Variants in PIK3CA observed in about 807,000 individuals in gnomAD.
PIK3CA encodes the protein phosphatidylinositol-4,5-bisphosphate 3-kinase catalytic subunit alpha.
A neutral mutation model predicts 138.2 loss-of-function variants in PIK3CA; 27 were observed. The observed-to-expected ratio is 0.20, with a 90% CI of 0.14 to 0.27. The LOEUF (loss-of-function observed/expected upper bound fraction) is 0.27, where lower values mean the gene tolerates loss of function less well. Among genes scored for constraint, PIK3CA ranks in the 10% least tolerant of loss-of-function variants. The pLI, the probability that PIK3CA is intolerant of heterozygous loss-of-function variation, is 1.00. For missense variants in PIK3CA, 544 were observed against 1,277.4 expected (o/e 0.43, Z 8.75); for synonymous variants, 358 against 413.2 (o/e 0.87, Z 1.62).
chr3:179,201,227 G>C (rs2108389120), intron 3 of PIK3CA, 63 bp from the exon 4 acceptor site: 2 of 1,405,746 alleles, frequency 1.4e-6, no homozygotes, highest in Non-Finnish European at 2.0e-6. Context: ...AATACTTGTT[G>C]AAATTTCTCC....
At chr3:179,154,123 G>C (rs1723075476) in intron 1 of PIK3CA, among the ~76,000 whole-genome samples, 1 of 152,096 alleles carries the variant, frequency 6.6e-6, no homozygotes, top group African/African-American at 2.4e-5. Context: ...AAAAGTGGTG[G>C]CTTAGAGCTA....
At chr3:179,206,840 C>T (rs562991124) in intron 6 of PIK3CA, among the ~76,000 whole-genome samples, 1 of 151,416 alleles carries the variant, frequency 6.6e-6, no homozygotes, top group South Asian at 2.1e-4. Context: ...ATCACCTGAG[C>T]CCAGGGAGGT....
chr3:179,236,868 A>T lies in PIK3CA; in HGVS notation c.*2504A>T, dbSNP rs1725342862. 4.8e-6 allele frequency: 1 copy of T among 209,060 alleles called. No individual in the cohort carries two copies. Among genetic ancestry groups the T allele is most frequent in the African/African-American group, 2.3e-5 (1 of 44,036 alleles). The allele number at this position is 209,060 out of a possible 1,614,324, so 13.0% of individuals were successfully genotyped here. On this transcript the variant is annotated 3_prime_UTR_variant, in exon 21 of 21. Coordinates refer to ENST00000263967, the MANE Select transcript of PIK3CA (RefSeq NM_006218.4). ...GACTAAGATCTGTTTCAAGTCAGTG[A>T]TAATATAGCCACTTCTGGGTACTTC...
intron 6 of PIK3CA, among the ~76,000 whole-genome samples, chr3:179,208,724 T>G (rs1724631739): frequency 6.6e-6 from 1 of 152,114 alleles, no homozygotes; most frequent in African/African-American, 2.4e-5. Flanking sequence ...AAATAATTTT[T>G]TATCTTGTTC....
chr3:179,200,818 A>G (rs919105979), intron 3 of PIK3CA, among the ~76,000 whole-genome samples: 1 of 152,050 alleles, frequency 6.6e-6, no homozygotes. Context: ...TAGACAATGC[A>G]TTTCCTCTCC....
chr3:179,203,498 A>T (rs770129679), intron 4 of PIK3CA, 46 bp from the exon 5 acceptor site: 3 of 1,552,950 alleles, frequency 1.9e-6, no homozygotes, highest in Non-Finnish European at 2.6e-6. Context: ...TACTTTTAAA[A>T]TGAAAAACCT....
chr3:179,193,652 T>G (rs910469275), intron 1 of PIK3CA, among the ~76,000 whole-genome samples: 1 of 152,236 alleles, frequency 6.6e-6, no homozygotes, highest in Non-Finnish European at 1.5e-5. Flanking sequence ...GCACACACAC[T>G]CTTCTAAGCA....
At position 179,201,301 on chromosome 3, in the gene PIK3CA, G is replaced by T; in HGVS notation, c.574G>T (p.Val192Leu). ...YNKLDKGQII[V>L]VIWVIVSPNN... Reference sequence around the variant, plus strand: ...TTTTCCTGTTATAGGGCAAATAATAGTGGTGATCTGGGTAATAGTTTCTCC... The same window carrying T: ...TTTTCCTGTTATAGGGCAAATAATATTGGTGATCTGGGTAATAGTTTCTCC... The change falls in exon 4 of 21, where the codon GTG becomes TTG. Residue 192 changes from valine (V) to leucine (L), a missense_variant. Around this residue, in one of 14 missense-constraint regions of PIK3CA, gnomAD observed 234 missense variants for 401.3 expected, o/e 0.58. Transcript: ENST00000263967. 1 of 1,612,592 alleles carries T rather than the reference G, an allele frequency of 6.2e-7. No homozygotes were observed. The highest frequency in any genetic ancestry group is 8.5e-7 in the Non-Finnish European group (1 of 1,178,950).
chr3:179,163,785 A>AT (rs879356909), intron 1 of PIK3CA, among the ~76,000 whole-genome samples: 374 of 145,962 alleles, frequency 2.6e-3, no homozygotes, highest in Admixed American at 4.5e-3. Flanking sequence ...ATATGTAGTG[A>AT]TTTTTTTTTT....
intron 9 of PIK3CA, among the ~76,000 whole-genome samples, chr3:179,213,992 C>T (rs1350037964): frequency 6.6e-6 from 1 of 152,212 alleles, no homozygotes; most frequent in Admixed American, 6.5e-5. Context: ...GCATCTTCGT[C>T]TCTCTCAATA....
intron 14 of PIK3CA, 56 bp downstream of exon 14, chr3:179,221,213 T>C: frequency 7.8e-7 from 1 of 1,276,384 alleles, no homozygotes; most frequent in Non-Finnish European, 1.1e-6. Context: ...GGCAGAGTTG[T>C]TTAGAAGCCC....
At chr3:179,207,530 T>C (rs1318214322) in intron 6 of PIK3CA, among the ~76,000 whole-genome samples, 1 of 144,140 alleles carries the variant, frequency 6.9e-6, no homozygotes, top group Non-Finnish European at 1.6e-5. Context: ...TAAAGTAATA[T>C]ATCTTTAATT....
At chr3:179,169,676 C>T (rs1303033248) in intron 1 of PIK3CA, among the ~76,000 whole-genome samples, 2 of 152,106 alleles carry the variant, frequency 1.3e-5, no homozygotes, top group African/African-American at 4.8e-5. Context: ...TCTGCATGGG[C>T]CAATACTATT....
At chr3:179,199,420 C>A (rs1481730331) in intron 2 of PIK3CA, among the ~76,000 whole-genome samples, 1 of 151,896 alleles carries the variant, frequency 6.6e-6, no homozygotes, top group African/African-American at 2.4e-5. Flanking sequence ...TGTTATATCT[C>A]AGTGTTGTTA....
chr3:179,149,888 C>G (rs1576908729), intron 1 of PIK3CA, among the ~76,000 whole-genome samples: 1 of 152,142 alleles, frequency 6.6e-6, no homozygotes, highest in Non-Finnish European at 1.5e-5. Flanking sequence ...TTTAAGAAAA[C>G]TTCTGGAAAA....
chr3:179,222,096 TAAAAG>T (rs1274717912), intron 14 of PIK3CA, among the ~76,000 whole-genome samples: 1 of 150,956 alleles, frequency 6.6e-6, no homozygotes, highest in African/African-American at 2.4e-5. Flanking sequence ...CTCTTACAAT[TAAAAG>T]GAAGCTCATT....
chr3:179,159,374 A>G (rs1723218804), intron 1 of PIK3CA, among the ~76,000 whole-genome samples: 1 of 152,206 alleles, frequency 6.6e-6, no homozygotes, highest in African/African-American at 2.4e-5. Context: ...CATCACGAAG[A>G]GTTACAGCTG....
intron 1 of PIK3CA, among the ~76,000 whole-genome samples, chr3:179,166,682 C>G (rs984148343): frequency 6.6e-6 from 1 of 152,160 alleles, no homozygotes; most frequent in African/African-American, 2.4e-5. Context: ...ACATTTTATT[C>G]TGCAACAATT....
rs1463746476 is a variant in PIK3CA at position 179,220,315 on chromosome 3, TCTAGGTCCAGATGAATATTG to T, written c.2015+266_2015+285del. Among the ~76,000 whole-genome samples the T allele has an allele frequency of 4.6e-5, 7 of 152,148 alleles. No individual in the cohort carries two copies. The highest frequency in any genetic ancestry group is 1.7e-4 in the African/African-American group (7 of 41,448). Reference sequence around the variant, plus strand: ...TTTTTGTTCTACTTAAGTCAAATTTTCTAGGTCCAGATGAATATTGCTGTAGGTTTCACTGTGTGTATGGA... The same window carrying T: ...TTTTTGTTCTACTTAAGTCAAATTTTCTGTAGGTTTCACTGTGTGTATGGA... On this transcript the variant is annotated intron_variant, in intron 13 of 20. Transcript: ENST00000263967. The surrounding 1 kb of genome is among the most constrained non-coding windows in gnomAD (Gnocchi z 4.1).
Sources: allele counts gnomAD v4.1 joint callset (sites outside exome capture counted in the v4.1 genomes callset), GRCh38; gene constraint gnomAD v4.1.1; regional missense constraint gnomAD v4.1.1; non-coding constraint Gnocchi (gnomAD v3.1); transcripts MANE v1.5; gene names NCBI Gene and HGNC (gene_info 2026-07-23, HGNC 2026-07-21).